DLC1: variants seen among roughly 807,000 people sequenced by gnomAD.
The protein encoded by DLC1 is rho GTPase-activating protein 7.
A neutral mutation model predicts 140.3 loss-of-function variants in DLC1; 54 were observed. The ratio of observed to expected loss-of-function variants is 0.38; its 90% CI spans 0.31 to 0.48. The LOEUF is 0.48. Ranked by LOEUF, DLC1 falls within the 20% of genes least tolerant of loss-of-function variation. DLC1 has a pLI of 0.96. For missense variants in DLC1, 2,536 were observed against 1,907.0 expected (o/e 1.33, Z -6.14); for synonymous variants, 986 against 728.1 (o/e 1.35, Z -5.70).
intron 5 of DLC1, among the ~76,000 whole-genome samples, chr8:13,210,884 CT>C (rs1827904172): frequency 6.6e-6 from 1 of 152,170 alleles, no homozygotes; most frequent in East Asian, 1.9e-4. Flanking sequence ...CTTAAATAAT[CT>C]ATTAGTTTTA....
At chr8:13,244,420 C>G (rs1257604918) in intron 5 of DLC1, among the ~76,000 whole-genome samples, 1 of 151,896 alleles carries the variant, frequency 6.6e-6, no homozygotes, top group Non-Finnish European at 1.5e-5. Context: ...TTCTCAGCCT[C>G]CAGAGTGGCT....
At chr8:13,553,637 G>A (rs532725086) in intron 1 of DLC1, among the ~76,000 whole-genome samples, 25 of 152,026 alleles carry the variant, frequency 1.6e-4, no homozygotes, top group African/African-American at 5.5e-4. Flanking sequence ...GCAGGCATGA[G>A]CCACTGCTCT....
intron 1 of DLC1, among the ~76,000 whole-genome samples, chr8:13,569,027 G>A (rs1353797709): frequency 1.3e-5 from 2 of 152,186 alleles, no homozygotes; most frequent in East Asian, 1.9e-4. Context: ...CATTTTGGTC[G>A]TGAAGATTTT....
intron 1 of DLC1, among the ~76,000 whole-genome samples, chr8:13,552,893 T>C (rs1241967895): frequency 1.3e-5 from 2 of 151,916 alleles, no homozygotes; most frequent in Admixed American, 6.6e-5. Flanking sequence ...AGCATTAATA[T>C]GTATTTCACA....
chr8:13,499,435 T>A lies in DLC1; in HGVS notation c.637A>T (p.Thr213Ser). 6.2e-7 allele frequency: 1 copy of A among 1,613,956 alleles called. No individual in the cohort carries two copies. ...KDAPKVNAVD[T>S]LNVKDIAPEK... ...GGTGCAATATCTTTCACGTTCAAAG[T>A]ATCCACTGCATTTACTTTGGGTGCA... is the stretch of plus-strand genomic sequence containing the variant. The change falls in exon 2 of 18, where the codon ACT (threonine) becomes TCT (serine). Residue 213 changes from threonine to serine, a missense_variant. Coordinates refer to ENST00000276297, the MANE Select transcript of DLC1 (RefSeq NM_182643.3).
At chr8:13,259,316 G>T (rs983180697) in intron 5 of DLC1, among the ~76,000 whole-genome samples, 1 of 152,078 alleles carries the variant, frequency 6.6e-6, no homozygotes, top group African/African-American at 2.4e-5. Flanking sequence ...ACTATCCAGT[G>T]CTGTGAATCA....
At chr8:13,263,910 G>A (rs1047670581) in intron 5 of DLC1, among the ~76,000 whole-genome samples, 3 of 151,512 alleles carry the variant, frequency 2.0e-5, no homozygotes, top group East Asian at 1.9e-4. Flanking sequence ...ACCCATGTGC[G>A]CACAGAGACA....
intron 7 of DLC1, among the ~76,000 whole-genome samples, chr8:13,103,178 G>A (rs1819246988): frequency 6.6e-6 from 1 of 152,062 alleles, no homozygotes; most frequent in Non-Finnish European, 1.5e-5. Context: ...GGGCCTGGTG[G>A]TGGGCGCCTG....
intron 4 of DLC1, among the ~76,000 whole-genome samples, chr8:13,372,153 T>C (rs959114150): frequency 6.6e-6 from 1 of 152,092 alleles, no homozygotes; most frequent in Non-Finnish European, 1.5e-5. Flanking sequence ...AAAGTGTGTG[T>C]GTGTGTGTGT....
At chr8:13,139,137 A>G (rs1317010745) in intron 5 of DLC1, among the ~76,000 whole-genome samples, 1 of 151,754 alleles carries the variant, frequency 6.6e-6, no homozygotes, top group Non-Finnish European at 1.5e-5. Context: ...TAAAAATAAA[A>G]AAACAATTAG....
chr8:13,148,370 T>G (rs1237237467), intron 5 of DLC1, among the ~76,000 whole-genome samples: 1 of 152,198 alleles, frequency 6.6e-6, no homozygotes, highest in East Asian at 1.9e-4. Flanking sequence ...CACTTACAAG[T>G]GAGAACATGC....
At chr8:13,390,433 A>G (rs573339880) in intron 4 of DLC1, among the ~76,000 whole-genome samples, 5 of 152,284 alleles carry the variant, frequency 3.3e-5, no homozygotes, top group South Asian at 4.1e-4. Flanking sequence ...GCTTTAATAA[A>G]CATACATGTA....
At chr8:13,370,869 G>A (rs1243980143) in intron 4 of DLC1, among the ~76,000 whole-genome samples, 3 of 152,092 alleles carry the variant, frequency 2.0e-5, no homozygotes, top group Non-Finnish European at 4.4e-5. Context: ...AGGACGAGTG[G>A]ATCCCTGCCT....
At chr8:13,504,143 T>TA (rs1366078792) in intron 1 of DLC1, among the ~76,000 whole-genome samples, 3 of 149,588 alleles carry the variant, frequency 2.0e-5, no homozygotes, top group Non-Finnish European at 4.5e-5. Context: ...TTTTTTTTTT[T>TA]AAGACAGAGT....
At chr8:13,394,886 A>T (rs1438548818) in intron 3 of DLC1, among the ~76,000 whole-genome samples, 1 of 152,078 alleles carries the variant, frequency 6.6e-6, no homozygotes, top group Non-Finnish European at 1.5e-5. Flanking sequence ...GTCAGCTTGA[A>T]TCTTACTACC....
chr8:13,457,448 G>A (rs1799446616), intron 2 of DLC1, among the ~76,000 whole-genome samples: 1 of 151,946 alleles, frequency 6.6e-6, no homozygotes, highest in African/African-American at 2.4e-5. Flanking sequence ...AGAGGCCGAG[G>A]CAGGCAGATC....
chr8:13,555,848 G>C (rs950286265), intron 1 of DLC1, among the ~76,000 whole-genome samples: 1 of 151,774 alleles, frequency 6.6e-6, no homozygotes. Flanking sequence ...ATGATAGTAA[G>C]TTTATTTTTG....
intron 2 of DLC1, among the ~76,000 whole-genome samples, chr8:13,457,564 C>G (rs1395323884): frequency 6.7e-6 from 1 of 149,284 alleles, no homozygotes; most frequent in Non-Finnish European, 1.5e-5. Context: ...GTAGCCCGAG[C>G]TACTCGGGAG....
chr8:13,562,759 G>T (rs899396775), intron 1 of DLC1, among the ~76,000 whole-genome samples: 1 of 152,000 alleles, frequency 6.6e-6, no homozygotes, highest in Non-Finnish European at 1.5e-5. Flanking sequence ...AGCAAATTTT[G>T]ATTTCTTATA....
Sources: allele counts gnomAD v4.1 joint callset (sites outside exome capture counted in the v4.1 genomes callset), GRCh38; gene constraint gnomAD v4.1.1; transcripts MANE v1.5; gene names NCBI Gene and HGNC (gene_info 2026-07-23, HGNC 2026-07-21).